The following MARF1 variants were observed in gnomAD, a reference collection of about 807,000 sequenced individuals.
MARF1 encodes meiosis regulator and mRNA stability factor 1.
In MARF1, 24 loss-of-function variants were observed where a neutral mutation model predicts 168.2. That is an observed-to-expected ratio of 0.14 (90% CI 0.10 to 0.20). MARF1 has a LOEUF of 0.20. MARF1 is among the 10% of genes least tolerant of loss of function. The pLI, the probability that MARF1 is intolerant of heterozygous loss-of-function variation, is 1.00. For missense variants in MARF1, 1,744 were observed against 2,143.6 expected (o/e 0.81, Z 3.68); for synonymous variants, 868 against 822.4 (o/e 1.06, Z -0.95).
rs1166993398 is a variant in MARF1, at chr16:15,594,494, ATC to A, written c.*2197_*2198del. On this transcript the variant is annotated 3_prime_UTR_variant, in exon 27 of 27. Transcript: ENST00000396368. ...AACAAAGTAGACAACTAAGAAAAACATCTCTTTCCCCCAAACCCAATCCAAAA... is the reference window on the plus strand; with the variant it reads ...AACAAAGTAGACAACTAAGAAAAACATCTTTCCCCCAAACCCAATCCAAAA... 6.6e-6 allele frequency: 1 copy of A among 152,648 alleles called. No individual in the cohort carries two copies. Among genetic ancestry groups the A allele is most frequent in the Non-Finnish European group, 1.5e-5 (1 of 68,036 alleles). 9.5% of individuals were successfully genotyped at this position (152,648 alleles called of 1,614,324 possible). A position where few individuals can be genotyped will look rare whatever the true frequency, so the allele number is the denominator to read the frequency against.
rs751111006 is a variant in MARF1 at position 15,612,759 on chromosome 16, G to A, written c.3272C>T (p.Ser1091Leu). Reference sequence around the variant, plus strand: ...CTGGGGGTTACCTACAGGACTCTTCGAACGCAGAAGCCAAGGGTCTAGAAG... The same window carrying A: ...CTGGGGGTTACCTACAGGACTCTTCAAACGCAGAAGCCAAGGGTCTAGAAG... ...PPNTDPWLLR[S>L]KSPVGNPQLI... The change falls in exon 17 of 27, where the codon TCG (serine) becomes TTG (leucine). Residue 1091 changes from serine (S) to leucine (L), a missense_variant. Around this residue, in one of 7 missense-constraint regions of MARF1, gnomAD observed 543 missense variants for 742.1 expected, o/e 0.73. Coordinates refer to ENST00000396368, the MANE Select transcript of MARF1 (RefSeq NM_014647.4). The A allele has an allele frequency of 1.1e-5, 17 of 1,614,006 alleles. No homozygotes were observed. The highest frequency in any genetic ancestry group is 1.4e-5 in the Non-Finnish European group (17 of 1,179,940).
At chr16:15,601,025 CA>C (rs781077172) in intron 23 of MARF1, 55 of 587,136 alleles carry the variant, frequency 9.4e-5, no homozygotes, top group Non-Finnish European at 1.6e-4. Flanking sequence ...AGCTCTTTGC[CA>C]TTTTTTTGCA....
intron 1 of MARF1, among the ~76,000 whole-genome samples, chr16:15,641,122 G>C (rs1429666695): frequency 6.6e-6 from 1 of 151,524 alleles, no homozygotes; most frequent in Non-Finnish European, 1.5e-5. Context: ...TCAAGTTTCT[G>C]TTTCCTCCTA....
rs1231163782 is a variant in MARF1 at position 15,635,855 on chromosome 16, T to C, written c.632A>G (p.Gln211Arg). ...SCHGNVHKLH[Q>R]FPSLQGCTSA... is the part of the protein sequence containing the mutation. ...GGTGCAGCCCTGCAGACTCGGAAAC[T>C]GATGCAGCTTGTGCACATTACCATG... The change falls in exon 3 of 27, where the codon CAG (glutamine) becomes CGG (arginine). Residue 211 changes from glutamine to arginine, a missense_variant. Around this residue, in one of 7 missense-constraint regions of MARF1, gnomAD observed 318 missense variants for 336.6 expected, o/e 0.94. Transcript: ENST00000396368. 6.2e-7 allele frequency: 1 copy of C among 1,614,232 alleles called. No homozygotes were observed.
At chr16:15,633,880 G>A in intron 4 of MARF1, 37 bp from the exon 5 acceptor site, 1 of 1,480,436 alleles carries the variant, frequency 6.8e-7, no homozygotes. Context: ...ACTTGTAGTG[G>A]AAAATAAATG....
At chr16:15,639,576 T>G (rs1419451603) in intron 1 of MARF1, among the ~76,000 whole-genome samples, 1 of 152,158 alleles carries the variant, frequency 6.6e-6, no homozygotes, top group Non-Finnish European at 1.5e-5. Context: ...AATTTTTATA[T>G]TTTTAGTAGA....
intron 13 of MARF1, among the ~76,000 whole-genome samples, chr16:15,620,146 C>T (rs1273401836): frequency 6.6e-6 from 1 of 152,042 alleles, no homozygotes; most frequent in African/African-American, 2.4e-5. Context: ...GCCTCGGCAA[C>T]AGAGCGAGAC....
intron 13 of MARF1, among the ~76,000 whole-genome samples, chr16:15,619,046 A>T (rs2034266481): frequency 6.6e-6 from 1 of 152,094 alleles, no homozygotes; most frequent in African/African-American, 2.4e-5. Flanking sequence ...GAGGCCTAGG[A>T]GGGAGAATCA....
chr16:15,621,536 T>G, intron 12 of MARF1, 197 bp downstream of exon 12: 1 of 580,016 alleles, frequency 1.7e-6, no homozygotes, highest in East Asian at 3.0e-5. Flanking sequence ...AAGTTTAAGC[T>G]GTATTCCAGC....
At chr16:15,619,511 C>T (rs1008885949) in intron 13 of MARF1, among the ~76,000 whole-genome samples, 12 of 152,126 alleles carry the variant, frequency 7.9e-5, no homozygotes, top group African/African-American at 2.4e-4. Context: ...ACACCTTTCC[C>T]CTCCCCTCCT....
At chr16:15,615,174 T>A (rs1415888926) in intron 16 of MARF1, among the ~76,000 whole-genome samples, 1 of 152,184 alleles carries the variant, frequency 6.6e-6, no homozygotes, top group Non-Finnish European at 1.5e-5. Flanking sequence ...AAATTTGAGT[T>A]TCAAATTTTT....
At chr16:15,629,729 T>C (rs924247490) in intron 7 of MARF1, among the ~76,000 whole-genome samples, 3 of 152,154 alleles carry the variant, frequency 2.0e-5, no homozygotes. Flanking sequence ...TTATCCCAAG[T>C]CAAGTCTATC....
At chr16:15,604,490 C>T (rs2032831271) in intron 21 of MARF1, 92 bp from the exon 22 acceptor site, 1 of 784,550 alleles carries the variant, frequency 1.3e-6, no homozygotes, top group Non-Finnish European at 2.1e-6. Flanking sequence ...GTTAATGAGA[C>T]CAACAGATGA....
At position 15,631,399 on chromosome 16, in the gene MARF1, T is replaced by A. The variant is rs963490110; in HGVS notation, c.1333A>T (p.Thr445Ser). 6 of 1,610,994 alleles carry A rather than the reference T, an allele frequency of 3.7e-6. No homozygotes were observed. In the Admixed American group the frequency reaches 1.0e-4, roughly 27 times the overall value. ...TACTTACTTGACACAAGAACCACTGTGGCTGGAGCAGTGTGTGTATTTGCA... is the reference window on the plus strand; with the variant it reads ...TACTTACTTGACACAAGAACCACTGAGGCTGGAGCAGTGTGTGTATTTGCA... ...RFANTHTAPA[T>S]VVLVSTDVNF... Residue 445 changes from threonine to serine, a missense_variant, in exon 6 of 27, where the codon ACA becomes TCA. Physicochemically the swap from Thr to Ser is moderately conservative, Grantham distance 58 (BLOSUM62 1). This residue lies in a region of MARF1 where 217 missense variants were observed against 372.4 expected (regional missense o/e 0.58). Coordinates refer to ENST00000396368, the MANE Select transcript of MARF1 (RefSeq NM_014647.4).
chr16:15,635,015 A>C, intron 3 of MARF1, 84 bp from the exon 4 acceptor site: 1 of 1,189,912 alleles, frequency 8.4e-7, no homozygotes, highest in African/African-American at 1.5e-5. Flanking sequence ...CTGAAAATAC[A>C]CTCTAAGTGT....
chr16:15,595,167 A>C lies in MARF1; in HGVS notation c.*1526T>G, dbSNP rs554979588. 2 of 152,612 alleles carry C rather than the reference A, an allele frequency of 1.3e-5. No individual in the cohort carries two copies. The highest frequency in any genetic ancestry group is 4.8e-5 in the African/African-American group (2 of 41,440). 9.5% of individuals were successfully genotyped at this position (152,612 alleles called of 1,614,324 possible). ...ATTCGGAGAGTGCCATAATACTTAC[A>C]GGGTTTTTTCCATGGTGTTCTGTCT... On this transcript the variant is annotated 3_prime_UTR_variant, in exon 27 of 27. Coordinates refer to ENST00000396368, the MANE Select transcript of MARF1 (RefSeq NM_014647.4).
intron 26 of MARF1, 102 bp from the exon 27 acceptor site, chr16:15,597,039 A>G (rs2150999513): frequency 2.0e-5 from 26 of 1,325,992 alleles, no homozygotes; most frequent in Non-Finnish European, 2.6e-5. Context: ...TAATAGTAAT[A>G]AAAAGCTTCT....
chr16:15,608,825 A>G, intron 20 of MARF1: 1 of 387,672 alleles, frequency 2.6e-6, no homozygotes. Flanking sequence ...TAAAATCAAC[A>G]ACAGAAATTT....
At chr16:15,641,086 T>G (rs2035920103) in intron 1 of MARF1, among the ~76,000 whole-genome samples, 1 of 152,142 alleles carries the variant, frequency 6.6e-6, no homozygotes, top group South Asian at 2.1e-4. Flanking sequence ...CAGAGTGAGA[T>G]TCCATCTCTA....
Sources: allele counts gnomAD v4.1 joint callset (sites outside exome capture counted in the v4.1 genomes callset), GRCh38; gene constraint gnomAD v4.1.1; regional missense constraint gnomAD v4.1.1; transcripts MANE v1.5; gene names NCBI Gene and HGNC (gene_info 2026-07-23, HGNC 2026-07-21).